DKK3: variants seen among roughly 807,000 people sequenced by gnomAD.
DKK3 encodes dickkopf-related protein 3.
DKK3 carries 22 observed loss-of-function variants against 33.2 expected under a neutral mutation model. The ratio of observed to expected loss-of-function variants is 0.66; its 90% confidence interval spans 0.47 to 0.95. DKK3 has a LOEUF of 0.95. DKK3 is among the 40% of genes least tolerant of loss of function. The probability of loss-of-function intolerance (pLI) is 0.00; values close to 1 mark genes in which losing one functional copy is unlikely to be tolerated. For synonymous variants in DKK3, 194 were observed against 188.8 expected (o/e 1.03, Z -0.23); for missense variants, 398 against 458.4 (o/e 0.87, Z 1.20).
At chr11:11,970,520 A>G (rs1274026644) in intron 3 of DKK3, among the ~76,000 whole-genome samples, 1 of 152,208 alleles carries the variant, frequency 6.6e-6, no homozygotes, top group Non-Finnish European at 1.5e-5. Flanking sequence ...TTCACATCCT[A>G]TTCCCCGGAA....
At chr11:11,987,109 C>T (rs939294233) in intron 3 of DKK3, among the ~76,000 whole-genome samples, 8 of 152,200 alleles carry the variant, frequency 5.3e-5, no homozygotes, top group African/African-American at 9.7e-5. Flanking sequence ...CACAGGGATA[C>T]GGAGGTGGCA....
At chr11:12,003,738 T>TA (rs1196975996) in intron 1 of DKK3, among the ~76,000 whole-genome samples, 1 of 137,354 alleles carries the variant, frequency 7.3e-6, no homozygotes, top group East Asian at 2.0e-4. Context: ...CTATTTTTAT[T>TA]TTTTTTTTTA....
At chr11:11,971,376 A>G (rs1386914189) in intron 3 of DKK3, among the ~76,000 whole-genome samples, 1 of 152,218 alleles carries the variant, frequency 6.6e-6, no homozygotes, top group Non-Finnish European at 1.5e-5. Flanking sequence ...TTGAAACCAT[A>G]AGCTTTTGTA....
At chr11:11,975,717 AC>A (rs1178961384) in intron 3 of DKK3, among the ~76,000 whole-genome samples, 1 of 152,120 alleles carries the variant, frequency 6.6e-6, no homozygotes, top group Admixed American at 6.5e-5. Flanking sequence ...CAGTGCCAAC[AC>A]TGGGAGAGTC....
chr11:11,966,510 A>G (rs879775210), intron 5 of DKK3, among the ~76,000 whole-genome samples: 1 of 152,118 alleles, frequency 6.6e-6, no homozygotes, highest in Non-Finnish European at 1.5e-5. Flanking sequence ...AGGGAGGACT[A>G]GTGGGCTGGG....
In DKK3 at chr11:12,004,418, G is replaced by A. The variant is rs541144087; in HGVS notation, c.214-1981C>T. On this transcript the variant is annotated intron_variant, in intron 1 of 6. Transcript: ENST00000683431. ...GGCTAGAATTAGGTCTAGGAGATGG[G>A]AGCTACTTCTGGGTAGGGACCTTCT... Among the ~76,000 whole-genome samples, 7 of 152,314 alleles carry A rather than the reference G, an allele frequency of 4.6e-5. 1 individual carries two copies. The South Asian group carries it at 1.5e-3, about 32-fold the overall frequency.
intron 3 of DKK3, among the ~76,000 whole-genome samples, chr11:11,993,456 T>G (rs773999601): frequency 2.6e-5 from 4 of 152,312 alleles, no homozygotes; most frequent in Admixed American, 6.5e-5. Flanking sequence ...ATTTTGATTT[T>G]AGATGTGGAA....
chr11:11,989,546 A>T (rs942462437), intron 3 of DKK3, among the ~76,000 whole-genome samples: 3 of 152,186 alleles, frequency 2.0e-5, no homozygotes, highest in African/African-American at 7.2e-5. Context: ...GGTCAGAATC[A>T]TACAGACAGA....
At chr11:11,990,973 C>T (rs2135071807) in intron 3 of DKK3, among the ~76,000 whole-genome samples, 1 of 152,320 alleles carries the variant, frequency 6.6e-6, no homozygotes, top group African/African-American at 2.4e-5. Context: ...AGACATGAGA[C>T]TTCTGGGTCA....
chr11:12,009,271 G>T (rs1372230834), upstream of DKK3: 37 of 984,148 alleles, frequency 3.8e-5, no homozygotes, highest in Admixed American at 6.2e-5. Context: ...GGCGCGGTGG[G>T]CGGGCCGCGG....
intron 3 of DKK3, chr11:11,968,820 T>C: frequency 5.1e-6 from 1 of 194,912 alleles, no homozygotes. Context: ...ACATATGGAT[T>C]TAATAAAAAG....
intron 3 of DKK3, among the ~76,000 whole-genome samples, chr11:11,976,909 C>T (rs1239446967): frequency 6.6e-6 from 1 of 152,170 alleles, no homozygotes; most frequent in East Asian, 1.9e-4. Flanking sequence ...AGGGCGCCTC[C>T]AGTCTTTCCT....
At chr11:12,008,968 C>A (rs183953118), upstream of DKK3, 1,100 of 1,007,954 alleles carry the variant, frequency 1.1e-3, 13 homozygotes, top group African/African-American at 0.018. The surrounding 1 kb of genome is among the most constrained non-coding windows in gnomAD (Gnocchi z 4.6). Context: ...CCGGTTCAAA[C>A]CCTAGCCCCT....
In DKK3 at chr11:11,968,463, C is replaced by G; in HGVS notation, c.460G>C (p.Gly154Arg). The G allele has an allele frequency of 6.2e-7, 1 of 1,613,376 alleles. No homozygotes were observed. Residue 154 changes from glycine (G) to arginine (R), a missense_variant, in exon 4 of 7, where the codon GGG becomes CGG. Coordinates refer to ENST00000683431, the MANE Select transcript of DKK3 (RefSeq NM_001018057.2). ...SHECIIDEDC[G>R]PSMYCQFASF... ...GCAAACTGGCAGTACATGCTGGGCC[C>G]ACAGTCCTCGTCGATGATGCACTCC...
chr11:11,990,281 A>G (rs554998350), intron 3 of DKK3, among the ~76,000 whole-genome samples: 1 of 152,222 alleles, frequency 6.6e-6, no homozygotes, highest in African/African-American at 2.4e-5. Flanking sequence ...GACACCATCA[A>G]CCTAATGAGA....
At chr11:12,000,677 AT>A (rs34623420) in intron 2 of DKK3, among the ~76,000 whole-genome samples, 13,121 of 141,868 alleles carry the variant, frequency 0.092, 700 homozygotes, top group Middle Eastern at 0.16. Context: ...GCTAAGGCTA[AT>A]TTTTTTTTTT....
chr11:12,009,200 C>G (rs1391010384), upstream of DKK3: 4 of 985,260 alleles, frequency 4.1e-6, no homozygotes, highest in East Asian at 4.6e-4. Flanking sequence ...CGCTGCGGGC[C>G]GGACTGGATC....
intron 2 of DKK3, 172 bp downstream of exon 2, chr11:12,002,128 C>T: frequency 1.4e-6 from 1 of 700,234 alleles, no homozygotes; most frequent in Non-Finnish European, 2.2e-6. Context: ...GATACATTGT[C>T]TCTCCACTTT....
chr11:12,008,974 C>T, upstream of DKK3: 1 of 1,004,316 alleles, frequency 1.0e-6, no homozygotes. This position sits in a 1 kb window ranked among gnomAD's most constrained non-coding sequence, Gnocchi z 4.6. Context: ...CAAACCCTAG[C>T]CCCTCCTCGA....
Sources: allele counts gnomAD v4.1 joint callset (sites outside exome capture counted in the v4.1 genomes callset), GRCh38; gene constraint gnomAD v4.1.1; non-coding constraint Gnocchi (gnomAD v3.1); transcripts MANE v1.5; gene names NCBI Gene and HGNC (gene_info 2026-07-23, HGNC 2026-07-21).